Variants in FSIP1 observed in about 807,000 individuals in gnomAD.
FSIP1 encodes fibrous sheath-interacting protein 1.
FSIP1 carries 65 observed loss-of-function variants against 60.9 expected under a neutral mutation model. That is an observed-to-expected ratio of 1.07 (90% CI 0.87 to 1.31). The LOEUF is 1.31. FSIP1 is among the 40% of genes most tolerant of loss of function. FSIP1 has a pLI of 0.00. For missense variants in FSIP1, 675 were observed against 665.5 expected, an observed-to-expected ratio of 1.01 and a Z score of -0.16; for synonymous variants, 209 against 221.2, an observed-to-expected ratio of 0.94 and a Z score of 0.49.
intron 3 of FSIP1, among the ~76,000 whole-genome samples, chr15:39,767,507 T>C (rs1029450998): frequency 5.3e-5 from 8 of 152,188 alleles, no homozygotes; most frequent in Admixed American, 2.6e-4. Flanking sequence ...CCTGTGCCCA[T>C]GGACCTAAGT....
chr15:39,769,141 T>A (rs1482247330), intron 3 of FSIP1, among the ~76,000 whole-genome samples: 3 of 151,642 alleles, frequency 2.0e-5, no homozygotes, highest in Admixed American at 6.6e-5. Context: ...TAGCCGGGCG[T>A]GGTAGCGGGC....
rs16969766 is a variant in FSIP1 at position 39,734,462 on chromosome 15, A to T, written c.891+3629T>A. The stretch of plus-strand genomic sequence containing the variant: ...TTTAAAGGTAAAAACTAAAATGTGT[A>T]GTATTCTAGAACTAAAATTCCAGAT... On this transcript the variant is annotated intron_variant, in intron 8 of 11. Transcript: ENST00000350221. Among the ~76,000 whole-genome samples the T allele has an allele frequency of 5.8e-3, 889 of 152,328 alleles. 7 individuals carry two copies. The highest frequency in any genetic ancestry group is 0.02 in the African/African-American group (838 of 41,576).
At chr15:39,773,573 A>T (rs911541220) in intron 2 of FSIP1, among the ~76,000 whole-genome samples, 1 of 152,190 alleles carries the variant, frequency 6.6e-6, no homozygotes, top group East Asian at 1.9e-4. Context: ...GTTGCTGCTT[A>T]AAAAAATTGT....
intron 10 of FSIP1, among the ~76,000 whole-genome samples, chr15:39,706,784 T>C (rs1413216200): frequency 1.3e-5 from 2 of 152,218 alleles, no homozygotes; most frequent in Non-Finnish European, 2.9e-5. Context: ...AAGCATTTGG[T>C]ATATGTATAT....
intron 10 of FSIP1, among the ~76,000 whole-genome samples, chr15:39,696,924 GTGT>G (rs1894843890): frequency 1.3e-5 from 1 of 74,500 alleles, no homozygotes; most frequent in Admixed American, 1.3e-4. Flanking sequence ...GTGTGTGTGT[GTGT>G]TGGGATGGGG....
At position 39,736,673 on chromosome 15, in the gene FSIP1, C is replaced by A. The variant is rs947958553; in HGVS notation, c.891+1418G>T. On this transcript the variant is annotated intron_variant, in intron 8 of 11. Transcript: ENST00000350221. ...GCTTTTAGACTTATAGCAAAAAAAACTACGCTCTGAATCTCTGTGTCCCTA... is the reference window on the plus strand; with the variant it reads ...GCTTTTAGACTTATAGCAAAAAAAAATACGCTCTGAATCTCTGTGTCCCTA... Among the ~76,000 whole-genome samples the A allele has an allele frequency of 1.7e-4, 26 of 152,070 alleles. 1 individual carries two copies. Among genetic ancestry groups the A allele is most frequent in the African/African-American group, 6.0e-4 (25 of 41,430 alleles).
intron 5 of FSIP1, among the ~76,000 whole-genome samples, chr15:39,761,228 C>T (rs1387719192): frequency 1.3e-5 from 2 of 152,132 alleles, no homozygotes; most frequent in South Asian, 4.1e-4. Context: ...TGGGCATTTA[C>T]CCAAAAGCTT....
chr15:39,711,309 T>C (rs916862292), intron 10 of FSIP1, among the ~76,000 whole-genome samples: 5 of 148,044 alleles, frequency 3.4e-5, no homozygotes, highest in Non-Finnish European at 7.5e-5. Flanking sequence ...GGCAAATGAG[T>C]CCCCTGGGGC....
intron 10 of FSIP1, among the ~76,000 whole-genome samples, chr15:39,674,393 GT>G (rs2140475217): frequency 6.6e-6 from 1 of 152,178 alleles, no homozygotes; most frequent in South Asian, 2.1e-4. Context: ...TACATGGGTC[GT>G]TCATGGAACT....
intron 9 of FSIP1, among the ~76,000 whole-genome samples, chr15:39,725,654 G>T (rs1234393716): frequency 6.6e-6 from 1 of 152,160 alleles, no homozygotes; most frequent in Non-Finnish European, 1.5e-5. Context: ...CTGCTACAGG[G>T]TTATTACTCT....
At chr15:39,706,629 GAT>G (rs2140535647) in intron 10 of FSIP1, among the ~76,000 whole-genome samples, 1 of 152,216 alleles carries the variant, frequency 6.6e-6, no homozygotes, top group African/African-American at 2.4e-5. Flanking sequence ...GACAGTCTGA[GAT>G]ATAAACAAAA....
At chr15:39,759,765 G>C (rs1897431469) in intron 5 of FSIP1, among the ~76,000 whole-genome samples, 1 of 152,108 alleles carries the variant, frequency 6.6e-6, no homozygotes, top group African/African-American at 2.4e-5. Context: ...TTGCCAGCAG[G>C]CTTGAGGCTG....
At position 39,705,703 on chromosome 15, in the gene FSIP1, A is replaced by G. The variant is rs142018136; in HGVS notation, c.1188+7741T>C. The stretch of plus-strand genomic sequence containing the variant: ...GTTTCGTATCATATATTTTCAATTA[A>G]AAGTCATATATTAATCAGGTGCAGT... On this transcript the variant is annotated intron_variant, in intron 10 of 11. Coordinates refer to ENST00000350221, the MANE Select transcript of FSIP1 (RefSeq NM_152597.5). Among the ~76,000 whole-genome samples the G allele has an allele frequency of 7.7e-3, 1,169 of 152,144 alleles. 55 individuals are homozygous for G. Among genetic ancestry groups the G allele is most frequent in the East Asian group, 4.1e-3 (21 of 5,168 alleles).
intron 10 of FSIP1, among the ~76,000 whole-genome samples, chr15:39,645,151 C>T (rs1299014436): frequency 6.6e-6 from 1 of 152,170 alleles, no homozygotes; most frequent in Non-Finnish European, 1.5e-5. Flanking sequence ...TTGATGAGGG[C>T]ATGGAGAAAA....
At chr15:39,738,652 T>A (rs1375482430) in intron 7 of FSIP1, among the ~76,000 whole-genome samples, 1 of 152,136 alleles carries the variant, frequency 6.6e-6, no homozygotes, top group Non-Finnish European at 1.5e-5. Context: ...GAAAGAGAAA[T>A]CTACGGTAGA....
intron 10 of FSIP1, among the ~76,000 whole-genome samples, chr15:39,622,821 C>T (rs756887324): frequency 1.3e-5 from 2 of 152,120 alleles, no homozygotes; most frequent in African/African-American, 2.4e-5. Flanking sequence ...CTCCCTCTAC[C>T]ACCCTCCAAG....
chr15:39,780,803 G>A (rs1898237248), intron 1 of FSIP1, among the ~76,000 whole-genome samples: 1 of 152,160 alleles, frequency 6.6e-6, no homozygotes, highest in Non-Finnish European at 1.5e-5. Flanking sequence ...GGCCAGGCTG[G>A]TCTCGAACCC....
intron 10 of FSIP1, among the ~76,000 whole-genome samples, chr15:39,704,364 T>C (rs1440204753): frequency 1.3e-5 from 2 of 152,244 alleles, no homozygotes; most frequent in East Asian, 1.9e-4. Flanking sequence ...TAGTTGGTCT[T>C]CCTATTTAAC....
At chr15:39,647,266 A>T (rs1218053768) in intron 10 of FSIP1, among the ~76,000 whole-genome samples, 1 of 152,252 alleles carries the variant, frequency 6.6e-6, no homozygotes, top group Non-Finnish European at 1.5e-5. Flanking sequence ...TTCTTTCCAC[A>T]CATACGCAAA....
Sources: gnomAD v4.1 joint callset for allele counts (sites outside exome capture counted in the v4.1 genomes callset) on GRCh38, gnomAD v4.1.1 for gene constraint, MANE v1.5 for transcripts, NCBI Gene and HGNC (gene_info 2026-07-23, HGNC 2026-07-21) for gene names.